The following CNNM3 variants were observed in gnomAD, a reference collection of about 807,000 sequenced individuals.
CNNM3 encodes cyclin and CBS domain divalent metal cation transport mediator 3.
CNNM3 carries 47 observed loss-of-function variants against 57.1 expected under a neutral mutation model. The ratio of observed to expected loss-of-function variants is 0.82; its 90% CI spans 0.65 to 1.05. The LOEUF is 1.05. Among genes scored for constraint, CNNM3 ranks in the 50% least tolerant of loss-of-function variants. CNNM3 has a pLI of 0.00. For synonymous variants in CNNM3, 507 were observed against 478.2 expected (o/e 1.06, Z -0.79); for missense variants, 957 against 973.7 (o/e 0.98, Z 0.23).
At position 96,817,040 on chromosome 2, in the gene CNNM3, G is replaced by C; in HGVS notation, c.763G>C (p.Ala255Pro). The C allele has an allele frequency of 7.3e-7, 1 of 1,369,082 alleles. No individual in the cohort carries two copies. Among genetic ancestry groups the C allele is most frequent in the Non-Finnish European group, 9.4e-7 (1 of 1,059,058 alleles). 84.8% of individuals were successfully genotyped at this position (1,369,082 alleles called of 1,614,324 possible). The change falls in exon 1 of 8, where the codon GCG becomes CCG. Residue 255 changes from alanine (A) to proline (P), a missense_variant. This residue lies in a region of CNNM3 where 466 missense variants were observed against 403.1 expected (regional missense o/e 1.16). Transcript: ENST00000305510. ...GRWTLALAPR[A>P]LGLSRLAVLL... ...CTGGACGCTGGCGCTGGCGCCGCGA[G>C]CGCTCGGCCTCAGCCGCCTGGCCGT...
chr2:96,832,525 T>G (rs939817198), intron 7 of CNNM3, 27 bp from the exon 8 acceptor site: 38 of 1,613,858 alleles, frequency 2.4e-5, no homozygotes, highest in Non-Finnish European at 3.2e-5. Flanking sequence ...GCTTTGATGT[T>G]AATTCTCCTT....
Position 96,816,449 on chromosome 2 carries a change from C to A in CNNM3, c.172C>A (p.Pro58Thr). ...WVRGGAARDT[P>T]DATFLLRLFG... is the part of the protein sequence containing the mutation. ...ACGCGGAGGGGCGGCGCGGGACACG[C>A]CGGACGCCACCTTCCTCCTGCGCCT... The change falls in exon 1 of 8, where the codon CCG (proline) becomes ACG (threonine). Residue 58 changes from proline (P) to threonine (T), a missense_variant. Coordinates refer to ENST00000305510, the MANE Select transcript of CNNM3 (RefSeq NM_017623.5). 7.0e-7 allele frequency: 1 copy of A among 1,437,472 alleles called. No homozygotes were observed. The allele number at this position is 1,437,472 out of a possible 1,614,324, so 89.0% of individuals were successfully genotyped here. A position where few individuals can be genotyped will look rare whatever the true frequency, so the allele number is the denominator to read the frequency against.
In CNNM3 at chr2:96,827,711, CT is replaced by C; in HGVS notation, c.1520-14del. ...CACTAGGCCCCAGTGGACACTGTCCCTTTTTTCCACCACGTGCAGAAGTGGA... is the reference window on the plus strand; with the variant it reads ...CACTAGGCCCCAGTGGACACTGTCCCTTTTTCCACCACGTGCAGAAGTGGA... On this transcript the variant is annotated intron_variant, in intron 3 of 7. Coordinates refer to ENST00000305510, the MANE Select transcript of CNNM3 (RefSeq NM_017623.5). 6.2e-7 allele frequency: 1 copy of C among 1,605,406 alleles called. No individual in the cohort carries two copies. Among genetic ancestry groups the C allele is most frequent in the Non-Finnish European group, 8.5e-7 (1 of 1,173,584 alleles).
At chr2:96,827,010 C>G (rs1296740206) in intron 3 of CNNM3, 28 bp downstream of exon 3, 5 of 1,608,962 alleles carry the variant, frequency 3.1e-6, no homozygotes, top group Non-Finnish European at 3.4e-6. Flanking sequence ...TCCATGCCCC[C>G]TGCTCTCCTC....
chr2:96,833,134 C>A lies in CNNM3; in HGVS notation c.*518C>A. On this transcript the variant is annotated 3_prime_UTR_variant, in exon 8 of 8. Transcript: ENST00000305510. Reference sequence around the variant, plus strand: ...GCCTTGTCCATGTTGTCCTTTCTGGCTTCCCTGATGGTGTCATGTTTCAGC... The same window carrying A: ...GCCTTGTCCATGTTGTCCTTTCTGGATTCCCTGATGGTGTCATGTTTCAGC... 1 of 685,802 alleles carries A rather than the reference C, an allele frequency of 1.5e-6. No homozygotes were observed. Among genetic ancestry groups the A allele is most frequent in the Non-Finnish European group, 2.2e-6 (1 of 456,616 alleles). 42.5% of individuals were successfully genotyped at this position (685,802 alleles called of 1,614,324 possible).
Position 96,820,456 on chromosome 2 carries a change from G to C in CNNM3, c.1225+2954G>C, listed in dbSNP as rs541276633. ...GAGGCAGAATAGGAGTGTCTCTCAAGTCATGGGAGGGAGGCAGAGAGCCTC... is the reference window on the plus strand; with the variant it reads ...GAGGCAGAATAGGAGTGTCTCTCAACTCATGGGAGGGAGGCAGAGAGCCTC... On this transcript the variant is annotated intron_variant, in intron 1 of 7. Coordinates refer to ENST00000305510, the MANE Select transcript of CNNM3 (RefSeq NM_017623.5). Among the ~76,000 whole-genome samples the C allele has an allele frequency of 2.2e-3, 333 of 152,334 alleles. 2 individuals are homozygous for C. Among genetic ancestry groups the C allele is most frequent in the African/African-American group, 7.7e-3 (321 of 41,568 alleles).
intron 1 of CNNM3, among the ~76,000 whole-genome samples, chr2:96,821,986 CATT>C (rs769275167): frequency 1.8e-4 from 27 of 148,296 alleles, no homozygotes; most frequent in Non-Finnish European, 2.8e-4. Flanking sequence ...TACAAAAGAA[CATT>C]ATTATTATTA....
rs139560075 is a variant in CNNM3, at chr2:96,825,186, G to A, written c.1354G>A (p.Glu452Lys). 1.5e-5 allele frequency: 24 copies of A among 1,613,994 alleles called. No individual in the cohort carries two copies. Among genetic ancestry groups the A allele is most frequent in the African/African-American group, 1.5e-4 (11 of 74,936 alleles). Residue 452 changes from glutamate to lysine, a missense_variant, in exon 2 of 8, where the codon GAG becomes AAG. By Grantham distance (56) the Glu-to-Lys change is moderately conservative. Around this residue, in one of 2 missense-constraint regions of CNNM3, gnomAD observed 491 missense variants for 570.6 expected, o/e 0.86. Coordinates refer to ENST00000305510, the MANE Select transcript of CNNM3 (RefSeq NM_017623.5). The stretch of plus-strand genomic sequence containing the variant: ...GATCATCAGGTCCGAGATCCTGGAC[G>A]AGTCTGAAGACTACCGTGAGTCCAG... ...EEIIRSEILD[E>K]SEDYRDTVVK...
downstream of CNNM3, among the ~76,000 whole-genome samples, chr2:96,836,075 T>TC (rs1259685688): frequency 7.9e-5 from 9 of 113,498 alleles, no homozygotes; most frequent in African/African-American, 3.9e-4. Context: ...TTTTCACCCC[T>TC]CCCCCTCCCC....
At chr2:96,826,087 C>G (rs903134945) in intron 2 of CNNM3, among the ~76,000 whole-genome samples, 1 of 152,222 alleles carries the variant, frequency 6.6e-6, no homozygotes, top group African/African-American at 2.4e-5. Flanking sequence ...TCTCTAGTTC[C>G]GTTCTTGAGA....
At chr2:96,819,762 C>T (rs1166959308) in intron 1 of CNNM3, among the ~76,000 whole-genome samples, 1 of 152,072 alleles carries the variant, frequency 6.6e-6, no homozygotes, top group Non-Finnish European at 1.5e-5. Flanking sequence ...TTTGGAGCAG[C>T]GGAGATGGAA....
At chr2:96,830,075 G>GTGTA (rs927325522) in intron 7 of CNNM3, among the ~76,000 whole-genome samples, 16 of 152,244 alleles carry the variant, frequency 1.1e-4, no homozygotes, top group African/African-American at 3.6e-4. Context: ...AGAGTCTGAA[G>GTGTA]TGTAGGCTGT....
At position 96,835,048 on chromosome 2, in the gene CNNM3, C is replaced by T. The variant is rs1317550871; in HGVS notation, c.*2432C>T. On this transcript the variant is annotated 3_prime_UTR_variant, in exon 8 of 8. Transcript: ENST00000305510. ...ATTTGTCACATGTACATCTGTGTAA[C>T]TACCACTGCAATCAGGATAAAGAAG... is the stretch of plus-strand genomic sequence containing the variant. Among the ~76,000 whole-genome samples the T allele has an allele frequency of 6.6e-6, 1 of 152,208 alleles. No individual in the cohort carries two copies. The highest frequency in any genetic ancestry group is 1.9e-4 in the East Asian group (1 of 5,202).
At position 96,816,498 on chromosome 2, in the gene CNNM3, G is replaced by C. The variant is rs1419021763; in HGVS notation, c.221G>C (p.Ser74Thr). The change falls in exon 1 of 8, where the codon AGC becomes ACC. Residue 74 changes from serine to threonine, a missense_variant. By Grantham distance (58) the Ser-to-Thr change is moderately conservative. This residue lies in a region of CNNM3 where 466 missense variants were observed against 403.1 expected (regional missense o/e 1.16). Coordinates refer to ENST00000305510, the MANE Select transcript of CNNM3 (RefSeq NM_017623.5). ...CTCTTCGGCCCGGGCTTCGCCAACA[G>C]CTCTTGGTCCTGGGTGGCCCCGGAG... ...LRLFGPGFAN[S>T]SWSWVAPEGA... 5.5e-6 allele frequency: 8 copies of C among 1,456,570 alleles called. No individual in the cohort carries two copies. Among genetic ancestry groups the C allele is most frequent in the Non-Finnish European group, 5.4e-6 (6 of 1,104,910 alleles). 90.2% of individuals were successfully genotyped at this position (1,456,570 alleles called of 1,614,324 possible).
At chr2:96,836,587 C>T (rs999613261), downstream of CNNM3, 1 of 152,162 alleles carries the variant, frequency 6.6e-6, no homozygotes, top group African/African-American at 2.4e-5. Flanking sequence ...CCATGTTGCC[C>T]ACACCTGGTC....
rs2079621416 is a variant in CNNM3, at chr2:96,832,537, C to T, written c.2060-15C>T. 1.2e-6 allele frequency: 2 copies of T among 1,613,988 alleles called. No homozygotes were observed. Among genetic ancestry groups the T allele is most frequent in the Non-Finnish European group, 1.7e-6 (2 of 1,179,976 alleles). ...CCAGCTTTGATGTTAATTCTCCTTC[C>T]CTTGTCTCCTGTAGGGTCCAGCCAC... On this transcript the variant is annotated splice_polypyrimidine_tract_variant and intron_variant, in intron 7 of 7. Transcript: ENST00000305510.
chr2:96,817,850 C>T (rs936808708), intron 1 of CNNM3, among the ~76,000 whole-genome samples: 1 of 151,986 alleles, frequency 6.6e-6, no homozygotes, highest in Non-Finnish European at 1.5e-5. Flanking sequence ...GACTTTGTAG[C>T]AGGTCCAAAT....
Position 96,817,137 on chromosome 2 carries a change from G to GGGAGCGGGTGCT in CNNM3, c.866_877dup (p.Arg289_Glu292dup). Reference sequence around the variant, plus strand: ...CTGGCGGCGCGGCCCGGGCGGCTGCGGGAGCGGGTGCTGGAGCTGGCGCGC... The same window carrying GGGAGCGGGTGCT: ...CTGGCGGCGCGGCCCGGGCGGCTGCGGGAGCGGGTGCTGGAGCGGGTGCTGGAGCTGGCGCGC... On this transcript the variant is annotated inframe_insertion, in exon 1 of 8. Coordinates refer to ENST00000305510, the MANE Select transcript of CNNM3 (RefSeq NM_017623.5). 3.7e-6 allele frequency: 5 copies of GGGAGCGGGTGCT among 1,357,088 alleles called. No individual in the cohort carries two copies. The highest frequency in any genetic ancestry group is 4.7e-6 in the Non-Finnish European group (5 of 1,064,742). The allele number at this position is 1,357,088 out of a possible 1,614,324, so 84.1% of individuals were successfully genotyped here.
At chr2:96,820,699 G>A (rs1360938581) in intron 1 of CNNM3, among the ~76,000 whole-genome samples, 3 of 152,222 alleles carry the variant, frequency 2.0e-5, no homozygotes, top group Non-Finnish European at 4.4e-5. Flanking sequence ...CCACGGCAAG[G>A]GAGCCATTTG....
Sources: allele counts gnomAD v4.1 joint callset (sites outside exome capture counted in the v4.1 genomes callset), GRCh38; gene constraint gnomAD v4.1.1; regional missense constraint gnomAD v4.1.1; transcripts MANE v1.5; gene names NCBI Gene and HGNC (gene_info 2026-07-23, HGNC 2026-07-21).